Variants in GPM6A observed in about 807,000 individuals in gnomAD.
GPM6A encodes the protein neuronal membrane glycoprotein M6-a.
Under a neutral mutation model 32.1 loss-of-function variants are expected in GPM6A, and 7 were observed. That is an observed-to-expected ratio of 0.22 (90% CI 0.12 to 0.41). The LOEUF (loss-of-function observed/expected upper bound fraction) is 0.41, where lower values mean the gene tolerates loss of function less well. Among genes scored for constraint, GPM6A ranks in the 10% least tolerant of loss-of-function variants. The pLI is 1.00. For synonymous variants in GPM6A, 130 were observed against 123.4 expected (o/e 1.05, Z -0.35); for missense variants, 235 against 347.2 (o/e 0.68, Z 2.57).
At chr4:175,903,889 CG>C (rs1560987044) in intron 1 of GPM6A, among the ~76,000 whole-genome samples, 1 of 151,756 alleles carries the variant, frequency 6.6e-6, no homozygotes. Context: ...CCATGGATAA[CG>C]TGATATATAG....
intron 1 of GPM6A, among the ~76,000 whole-genome samples, chr4:175,941,582 CCT>C (rs1342073436): frequency 6.6e-6 from 1 of 152,138 alleles, no homozygotes; most frequent in Non-Finnish European, 1.5e-5. Context: ...GTGATGTTCC[CCT>C]CTCTGTGTCC....
At chr4:175,787,811 T>G (rs1335569591) in intron 1 of GPM6A, 1 of 170,562 alleles carries the variant, frequency 5.9e-6, no homozygotes, top group African/African-American at 2.4e-5. Context: ...AAGGCTGGTT[T>G]TGGCTTGTTA....
intron 1 of GPM6A, among the ~76,000 whole-genome samples, chr4:175,916,846 AAC>A (rs766350819): frequency 3.3e-5 from 5 of 152,156 alleles, no homozygotes; most frequent in Admixed American, 6.5e-5. Flanking sequence ...CCACATTAAA[AAC>A]ACAGTTTTCC....
intron 1 of GPM6A, among the ~76,000 whole-genome samples, chr4:175,950,171 G>A (rs1739759076): frequency 6.6e-6 from 1 of 152,112 alleles, no homozygotes; most frequent in Admixed American, 6.5e-5. Context: ...CTACTGTATT[G>A]TGATATTTTA....
intron 1 of GPM6A, among the ~76,000 whole-genome samples, chr4:175,831,665 G>A (rs1735614351): frequency 7.7e-6 from 1 of 130,620 alleles, no homozygotes; most frequent in Non-Finnish European, 1.6e-5. Context: ...CCCCAATATT[G>A]TTTTCTCAAA....
intron 2 of GPM6A, among the ~76,000 whole-genome samples, chr4:175,694,837 G>A (rs1744486629): frequency 1.3e-5 from 2 of 152,140 alleles, no homozygotes; most frequent in South Asian, 2.1e-4. Flanking sequence ...GACCTTTGTG[G>A]CAGCCCCTCC....
At chr4:175,941,706 G>T (rs149458514) in intron 1 of GPM6A, among the ~76,000 whole-genome samples, 9,010 of 152,198 alleles carry the variant, frequency 0.059, 845 homozygotes, top group African/African-American at 0.2. Context: ...CCCTGCAAAG[G>T]ACATGAACTC....
chr4:175,643,589 G>A (rs1400781538), intron 4 of GPM6A, among the ~76,000 whole-genome samples: 2 of 151,846 alleles, frequency 1.3e-5, no homozygotes, highest in African/African-American at 4.8e-5. Flanking sequence ...AAATACTATC[G>A]TTACAGTAGG....
At chr4:175,883,426 G>C (rs1213373288) in intron 1 of GPM6A, among the ~76,000 whole-genome samples, 1 of 151,926 alleles carries the variant, frequency 6.6e-6, no homozygotes, top group Non-Finnish European at 1.5e-5. Flanking sequence ...AAAAAATTAA[G>C]AAGATAGTAG....
chr4:175,940,150 G>A (rs1106568), intron 1 of GPM6A, among the ~76,000 whole-genome samples: 111,500 of 151,982 alleles, frequency 0.73, 41,198 homozygotes, highest in Admixed American at 0.79. Flanking sequence ...GTGACTTGGA[G>A]TCAGGGGAGT....
At chr4:175,886,470 A>G (rs1335254987) in intron 1 of GPM6A, among the ~76,000 whole-genome samples, 1 of 152,142 alleles carries the variant, frequency 6.6e-6, no homozygotes, top group African/African-American at 2.4e-5. Flanking sequence ...AGGAGTTCCT[A>G]ACTCACAGAA....
rs890949458 is a variant in GPM6A at position 175,723,242 on chromosome 4, G to A, written c.38-21475C>T. Among the ~76,000 whole-genome samples the A allele has an allele frequency of 8.5e-5, 13 of 152,144 alleles. 1 individual carries two copies. Among genetic ancestry groups the A allele is most frequent in the Admixed American group, 8.5e-4 (13 of 15,262 alleles). ...AATGAGCAAAATCCAGAACACAAAT[G>A]TGACAGAAACAAGCTTGACCATCTC... On this transcript the variant is annotated intron_variant, in intron 1 of 6. Coordinates refer to ENST00000393658, the MANE Select transcript of GPM6A (RefSeq NM_201591.3).
At chr4:175,973,588 C>A (rs191740601) in intron 1 of GPM6A, among the ~76,000 whole-genome samples, 1 of 152,284 alleles carries the variant, frequency 6.6e-6, no homozygotes, top group Admixed American at 6.5e-5. Flanking sequence ...AATCCCAAAC[C>A]ACATCATGAC....
intron 1 of GPM6A, among the ~76,000 whole-genome samples, chr4:175,802,899 A>G (rs1403910245): frequency 6.6e-6 from 1 of 152,142 alleles, no homozygotes; most frequent in Non-Finnish European, 1.5e-5. Context: ...TTCATTTTCA[A>G]GAAAGCTGCT....
intron 1 of GPM6A, among the ~76,000 whole-genome samples, chr4:175,980,455 A>G (rs1352679927): frequency 3.3e-5 from 5 of 152,230 alleles, no homozygotes; most frequent in Non-Finnish European, 5.9e-5. Flanking sequence ...TTTGAACCCT[A>G]GAAGTATGAC....
chr4:175,644,591 G>A (rs932490652), intron 4 of GPM6A, among the ~76,000 whole-genome samples: 1 of 152,006 alleles, frequency 6.6e-6, no homozygotes, highest in East Asian at 1.9e-4. Flanking sequence ...CGTGGAGGAT[G>A]AGCTGCAGTG....
chr4:175,958,674 T>C (rs751844096), intron 1 of GPM6A, among the ~76,000 whole-genome samples: 6 of 152,228 alleles, frequency 3.9e-5, no homozygotes, highest in Non-Finnish European at 8.8e-5. Flanking sequence ...CCATTAAGCC[T>C]GAATCTAGAT....
intron 1 of GPM6A, among the ~76,000 whole-genome samples, chr4:175,950,404 A>G (rs1739768270): frequency 6.6e-6 from 1 of 152,230 alleles, no homozygotes; most frequent in Admixed American, 6.5e-5. Flanking sequence ...AATATGTTCT[A>G]TACAACTGGA....
chr4:175,860,590 A>T (rs1736544930), intron 1 of GPM6A, among the ~76,000 whole-genome samples: 1 of 152,218 alleles, frequency 6.6e-6, no homozygotes, highest in Admixed American at 6.5e-5. Context: ...AGGGAAGCGT[A>T]GCACAGAATG....
Sources: allele counts gnomAD v4.1 joint callset (sites outside exome capture counted in the v4.1 genomes callset), GRCh38; gene constraint gnomAD v4.1.1; transcripts MANE v1.5; gene names NCBI Gene and HGNC (gene_info 2026-07-23, HGNC 2026-07-21).